SLC35F1: variants seen among roughly 807,000 people sequenced by gnomAD.
SLC35F1 encodes the protein chromosome 6 open reading frame 169.
SLC35F1 carries 14 observed loss-of-function variants against 48.7 expected under a neutral mutation model. The observed-to-expected ratio is 0.29, with a 90% CI of 0.19 to 0.45. The LOEUF (loss-of-function observed/expected upper bound fraction) is 0.45. Among genes scored for constraint, SLC35F1 ranks in the 20% least tolerant of loss-of-function variants. The pLI, the probability that SLC35F1 is intolerant of heterozygous loss-of-function variation, is 1.00. For missense variants in SLC35F1, 404 were observed against 500.0 expected (o/e 0.81, Z 1.83); for synonymous variants, 190 against 202.2 (o/e 0.94, Z 0.51).
At position 118,101,967 on chromosome 6, in the gene SLC35F1, A is replaced by G. The variant is rs181718564; in HGVS notation, c.174-52478A>G. Among the ~76,000 whole-genome samples, 364 of 152,298 alleles carry G rather than the reference A, an allele frequency of 2.4e-3. 1 individual carries two copies. Among genetic ancestry groups the G allele is most frequent in the Non-Finnish European group, 4.6e-3 (311 of 68,020 alleles). On this transcript the variant is annotated intron_variant, in intron 1 of 7. Coordinates refer to ENST00000360388, the MANE Select transcript of SLC35F1 (RefSeq NM_001029858.4). ...AAAGAATGCTTAATTTGGCCCAGGC[A>G]TACGTCTGAGTACCCTGGATGTTTG...
intron 1 of SLC35F1, among the ~76,000 whole-genome samples, chr6:118,107,471 A>G (rs1273586209): frequency 1.3e-5 from 2 of 152,174 alleles, no homozygotes; most frequent in African/African-American, 4.8e-5. Flanking sequence ...CAAATAGAAT[A>G]CTGACAGATC....
At chr6:118,158,844 C>T (rs1225636308) in intron 2 of SLC35F1, among the ~76,000 whole-genome samples, 1 of 152,088 alleles carries the variant, frequency 6.6e-6, no homozygotes, top group East Asian at 1.9e-4. Context: ...ATATCATATC[C>T]AGTTGAGCAA....
At chr6:117,989,028 G>A (rs946898570) in intron 1 of SLC35F1, among the ~76,000 whole-genome samples, 1 of 152,180 alleles carries the variant, frequency 6.6e-6, no homozygotes, top group African/African-American at 2.4e-5. Flanking sequence ...TCCATAAAAA[G>A]ATAGGTAGAG....
chr6:118,027,565 C>G (rs1403918608), intron 1 of SLC35F1, among the ~76,000 whole-genome samples: 1 of 151,774 alleles, frequency 6.6e-6, no homozygotes, highest in Admixed American at 6.6e-5. Context: ...TTTTTCATGT[C>G]CTTATTGACC....
chr6:118,316,449 G>A lies in SLC35F1; in HGVS notation c.*2197G>A, dbSNP rs1291980972. 6.6e-6 allele frequency: 1 copy of A among 152,424 alleles called. No individual in the cohort carries two copies. The highest frequency in any genetic ancestry group is 1.9e-4 in the East Asian group (1 of 5,196). 9.4% of individuals were successfully genotyped at this position (152,424 alleles called of 1,614,324 possible). Reference sequence around the variant, plus strand: ...AGATCCGAAGACCTTTAAAGACTGTGGTTTTATTTTTGTGTTTACATTCCT... The same window carrying A: ...AGATCCGAAGACCTTTAAAGACTGTAGTTTTATTTTTGTGTTTACATTCCT... On this transcript the variant is annotated 3_prime_UTR_variant, in exon 8 of 8. Transcript: ENST00000360388.
chr6:117,971,113 A>G (rs6568992), intron 1 of SLC35F1, among the ~76,000 whole-genome samples: 57,397 of 152,132 alleles, frequency 0.38, 11,304 homozygotes, highest in South Asian at 0.52. Flanking sequence ...TACTTCCTAG[A>G]TACAATGGAG....
At chr6:118,288,851 C>T (rs1776083038) in intron 7 of SLC35F1, among the ~76,000 whole-genome samples, 1 of 152,082 alleles carries the variant, frequency 6.6e-6, no homozygotes, top group South Asian at 2.1e-4. Context: ...TAGTCACTCA[C>T]CCCTAGTGAT....
intron 1 of SLC35F1, among the ~76,000 whole-genome samples, chr6:118,138,100 G>A (rs1773823942): frequency 6.6e-6 from 1 of 152,070 alleles, no homozygotes; most frequent in Non-Finnish European, 1.5e-5. Flanking sequence ...CCTGAGGCAG[G>A]AGGTTCGAGA....
chr6:118,049,369 C>A (rs1327380213), intron 1 of SLC35F1, among the ~76,000 whole-genome samples: 2 of 152,046 alleles, frequency 1.3e-5, no homozygotes, highest in South Asian at 4.2e-4. Flanking sequence ...CAAATGGGAT[C>A]TAATTAAACT....
intron 1 of SLC35F1, among the ~76,000 whole-genome samples, chr6:118,029,675 A>G (rs1021096801): frequency 6.6e-6 from 1 of 152,170 alleles, no homozygotes; most frequent in South Asian, 2.1e-4. Context: ...ATCTCTTAGC[A>G]GTGTTCCCCA....
intron 1 of SLC35F1, among the ~76,000 whole-genome samples, chr6:118,104,315 C>A (rs1403189463): frequency 2.0e-5 from 3 of 152,160 alleles, no homozygotes; most frequent in Non-Finnish European, 4.4e-5. Flanking sequence ...AGGGCCAAAT[C>A]TTGGCTTTAC....
At chr6:117,996,701 A>G (rs1776997261) in intron 1 of SLC35F1, among the ~76,000 whole-genome samples, 1 of 152,238 alleles carries the variant, frequency 6.6e-6, no homozygotes, top group Non-Finnish European at 1.5e-5. Flanking sequence ...GCAAACTCCA[A>G]CAGACCTGCA....
chr6:118,267,066 T>C lies in SLC35F1; in HGVS notation c.549T>C (p.Ala183=). ...SWFFLLIRYK[A]VHFIGIVVCI... is the part of the protein sequence containing the mutation. ...TCTTCCTGCTGATCCGGTACAAGGCTGTGCATTTCATCGGCATCGTTGTCT... is the reference window on the plus strand; with the variant it reads ...TCTTCCTGCTGATCCGGTACAAGGCCGTGCATTTCATCGGCATCGTTGTCT... Residue 183 remains alanine, a synonymous_variant, in exon 4 of 8, where the codon GCT becomes GCC. Coordinates refer to ENST00000360388, the MANE Select transcript of SLC35F1 (RefSeq NM_001029858.4). The C allele has an allele frequency of 6.2e-7, 1 of 1,614,060 alleles. No individual in the cohort carries two copies. Among genetic ancestry groups the C allele is most frequent in the Non-Finnish European group, 8.5e-7 (1 of 1,179,934 alleles).
intron 1 of SLC35F1, among the ~76,000 whole-genome samples, chr6:118,090,407 A>C (rs1411637390): frequency 6.6e-6 from 1 of 152,238 alleles, no homozygotes. Context: ...GAACATATAG[A>C]AATTCTCAAA....
intron 1 of SLC35F1, among the ~76,000 whole-genome samples, chr6:117,932,627 C>A (rs1040905640): frequency 6.6e-6 from 1 of 152,194 alleles, no homozygotes; most frequent in African/African-American, 2.4e-5. Context: ...TCAAATCCTT[C>A]ATTTCTAGAA....
intron 1 of SLC35F1, among the ~76,000 whole-genome samples, chr6:118,120,896 G>A (rs1562296068): frequency 6.6e-6 from 1 of 151,468 alleles, no homozygotes; most frequent in African/African-American, 2.4e-5. Flanking sequence ...GTAGTTAAAT[G>A]ATTATATCTA....
intron 3 of SLC35F1, among the ~76,000 whole-genome samples, chr6:118,265,211 A>T (rs1775757083): frequency 6.6e-6 from 1 of 152,170 alleles, no homozygotes; most frequent in Admixed American, 6.5e-5. Context: ...CCAAGAAGCC[A>T]CTCTGATGTT....
chr6:117,952,147 G>A (rs1417915906), intron 1 of SLC35F1, among the ~76,000 whole-genome samples: 1 of 152,112 alleles, frequency 6.6e-6, no homozygotes, highest in Non-Finnish European at 1.5e-5. Flanking sequence ...CCGATGGATT[G>A]AGTCCTTTGC....
At chr6:118,263,206 G>A (rs550311966) in intron 3 of SLC35F1, among the ~76,000 whole-genome samples, 41 of 152,212 alleles carry the variant, frequency 2.7e-4, no homozygotes, top group Middle Eastern at 3.4e-3. Context: ...ACAGGCATGC[G>A]CCATCATGCC....
Sources: gnomAD v4.1 joint callset for allele counts (sites outside exome capture counted in the v4.1 genomes callset) on GRCh38, gnomAD v4.1.1 for gene constraint, MANE v1.5 for transcripts, NCBI Gene and HGNC (gene_info 2026-07-23, HGNC 2026-07-21) for gene names.